The following SPATC1 variants were observed in gnomAD, a reference collection of about 807,000 sequenced individuals.
SPATC1 encodes speriolin.
In SPATC1, 35 loss-of-function variants were observed where a neutral mutation model predicts 36.5. The observed-to-expected ratio is 0.96, with a 90% CI of 0.73 to 1.27. SPATC1 has a LOEUF of 1.27. Ranked by LOEUF, SPATC1 falls within the 50% of genes most tolerant of loss-of-function variation. SPATC1 has a pLI of 0.00. For synonymous variants in SPATC1, 361 were observed against 353.6 expected, an observed-to-expected ratio of 1.02 and a Z score of -0.24; for missense variants, 779 against 796.0, an observed-to-expected ratio of 0.98 and a Z score of 0.26.
intron 1 of SPATC1, among the ~76,000 whole-genome samples, chr8:144,013,421 T>G (rs1834319300): frequency 6.6e-6 from 1 of 152,080 alleles, no homozygotes; most frequent in Admixed American, 6.6e-5. Flanking sequence ...CACTCCAAAC[T>G]AGACATGTTT....
At chr8:144,026,322 G>C (rs1012276685) in intron 1 of SPATC1, among the ~76,000 whole-genome samples, 1 of 152,114 alleles carries the variant, frequency 6.6e-6, no homozygotes, top group Non-Finnish European at 1.5e-5. Context: ...TCCAGTGTAT[G>C]GCTATATTAC....
At chr8:144,037,337 ACGGGC>A (rs1834928334) in intron 1 of SPATC1, among the ~76,000 whole-genome samples, 1 of 151,696 alleles carries the variant, frequency 6.6e-6, no homozygotes, top group African/African-American at 2.4e-5. Context: ...CTCATTGAGA[ACGGGC>A]CATGATGACA....
chr8:144,024,412 C>A (rs1441540551), intron 1 of SPATC1, among the ~76,000 whole-genome samples: 1 of 147,870 alleles, frequency 6.8e-6, no homozygotes, highest in Non-Finnish European at 1.5e-5. Context: ...GGACCCCCTT[C>A]CTTCAGGACC....
chr8:144,040,510 G>A (rs782717057), intron 2 of SPATC1, 47 bp downstream of exon 2: 3 of 1,561,790 alleles, frequency 1.9e-6, no homozygotes, highest in Non-Finnish European at 2.6e-6. Context: ...GGGGGGCAGA[G>A]CCCTCCCACC....
chr8:144,043,261 C>T (rs1835164615), intron 4 of SPATC1, among the ~76,000 whole-genome samples: 1 of 151,302 alleles, frequency 6.6e-6, no homozygotes, highest in Non-Finnish European at 1.5e-5. Flanking sequence ...TCCAAAAGTG[C>T]TGGGATTACA....
intron 1 of SPATC1, among the ~76,000 whole-genome samples, chr8:144,020,641 A>C (rs1371274641): frequency 1.1e-3 from 62 of 55,342 alleles, no homozygotes; most frequent in African/African-American, 1.8e-3. Flanking sequence ...CCCTGAGTAT[A>C]CTCTCCCTTC....
Position 144,016,487 on chromosome 8 carries a change from CAG to C in SPATC1, c.211+3762_211+3763del, listed in dbSNP as rs1181525732. Among the ~76,000 whole-genome samples the C allele has an allele frequency of 6.6e-6, 1 of 151,880 alleles. No individual in the cohort carries two copies. The highest frequency in any genetic ancestry group is 1.5e-5 in the Non-Finnish European group (1 of 67,956). On this transcript the variant is annotated intron_variant, in intron 1 of 4. Transcript: ENST00000377470. This position sits in a 1 kb window ranked among gnomAD's most constrained non-coding sequence, Gnocchi z 4.5. ...GTGTGTGTGGTGTGTTCATGTGTGA[CAG>C]GGGCCAGGGAGAGGTGAAAAATGCA...
chr8:144,014,368 GA>G (rs1834340409), intron 1 of SPATC1, among the ~76,000 whole-genome samples: 1 of 145,070 alleles, frequency 6.9e-6, no homozygotes, highest in Non-Finnish European at 1.5e-5. Context: ...AGGAAGGAAG[GA>G]AAAGAGAGGA....
Position 144,040,696 on chromosome 8 carries a change from T to A in SPATC1, c.895T>A (p.Phe299Ile). Reference protein sequence around the residue: ...AMGTPAPKTAFSFNTSDTQAQ... With the variant: ...AMGTPAPKTAISFNTSDTQAQ... ...GGGCACACCTGCTCCCAAGACGGCC[T>A]TCTCCTTCAACACTTCGGACACACA... is the stretch of plus-strand genomic sequence containing the variant. The change falls in exon 3 of 5, where the codon TTC (phenylalanine) becomes ATC (isoleucine). Residue 299 changes from phenylalanine (F) to isoleucine (I), a missense_variant. By Grantham distance (21) the Phe-to-Ile change is conservative. Transcript: ENST00000377470. 1 of 1,612,748 alleles carries A rather than the reference T, an allele frequency of 6.2e-7. No individual in the cohort carries two copies. Among genetic ancestry groups the A allele is most frequent in the Non-Finnish European group, 8.5e-7 (1 of 1,179,786 alleles).
At chr8:144,020,379 C>T (rs1834484301) in intron 1 of SPATC1, among the ~76,000 whole-genome samples, 1 of 150,644 alleles carries the variant, frequency 6.6e-6, no homozygotes, top group Non-Finnish European at 1.5e-5. Flanking sequence ...TACCTTCCCT[C>T]AGGACCCTCT....
rs140635744 is a variant in SPATC1, at chr8:144,040,738, G to C, written c.937G>C (p.Ala313Pro). ...GGACACACAGGCCCAGCCCAGTGCC[G>C]CCCAGGAACAAGTGGTCCCTGCATC... The part of the protein sequence containing the change: ...TSDTQAQPSA[A>P]QEQVVPASVP... The change falls in exon 3 of 5, where the codon GCC becomes CCC. Residue 313 changes from alanine (A) to proline (P), a missense_variant. By Grantham distance (27) the Ala-to-Pro change is conservative. Coordinates refer to ENST00000377470, the MANE Select transcript of SPATC1 (RefSeq NM_198572.3). The C allele has an allele frequency of 1.2e-6, 2 of 1,612,440 alleles. No individual in the cohort carries two copies. Among genetic ancestry groups the C allele is most frequent in the Middle Eastern group, 1.7e-4 (1 of 6,060 alleles).
chr8:144,019,528 G>C (rs986438075), intron 1 of SPATC1, among the ~76,000 whole-genome samples: 1 of 152,182 alleles, frequency 6.6e-6, no homozygotes, highest in Non-Finnish European at 1.5e-5. Context: ...CCCCGTGCAC[G>C]GGCAGGTGGG....
In SPATC1 at chr8:144,045,296, G is replaced by A. The variant is rs548979930; in HGVS notation, c.1447-1331G>A. Reference sequence around the variant, plus strand: ...AACCTCCAGCTGGGGAGAGACAGGCGCATCCCAGGCACGTCCCAGGCAACA... The same window carrying A: ...AACCTCCAGCTGGGGAGAGACAGGCACATCCCAGGCACGTCCCAGGCAACA... On this transcript the variant is annotated intron_variant, in intron 4 of 4. Coordinates refer to ENST00000377470, the MANE Select transcript of SPATC1 (RefSeq NM_198572.3). This position sits in a 1 kb window ranked among gnomAD's most constrained non-coding sequence, Gnocchi z 5.2. Among the ~76,000 whole-genome samples, 155 of 152,346 alleles carry A rather than the reference G, an allele frequency of 1.0e-3. No homozygotes were observed. Among genetic ancestry groups the A allele is most frequent in the Non-Finnish European group, 1.7e-3 (117 of 68,040 alleles).
rs956780551 is a variant in SPATC1, at chr8:144,012,594, T to G, written c.79T>G (p.Leu27Val). 2 of 1,551,654 alleles carry G rather than the reference T, an allele frequency of 1.3e-6. No individual in the cohort carries two copies. The highest frequency in any genetic ancestry group is 4.9e-5 in the East Asian group (2 of 40,904). The change falls in exon 1 of 5, where the codon TTG (leucine) becomes GTG (valine). Residue 27 changes from leucine to valine, a missense_variant. By Grantham distance (32) the Leu-to-Val change is conservative (BLOSUM62 1). Coordinates refer to ENST00000377470, the MANE Select transcript of SPATC1 (RefSeq NM_198572.3). ...GCGGGAAAATGAGGAACTGAAGAAG[T>G]TGGTGCGGCTCATTCGGGAGAATCA... ...LVRENEELKK[L>V]VRLIRENHEL... is the part of the protein sequence containing the mutation.
intron 4 of SPATC1, among the ~76,000 whole-genome samples, chr8:144,044,397 G>T (rs1835200983): frequency 6.6e-6 from 1 of 151,292 alleles, no homozygotes; most frequent in Admixed American, 6.6e-5. Flanking sequence ...CACGCCACGG[G>T]TTCACGCCAT....
chr8:144,012,728 T>C lies in SPATC1; in HGVS notation c.211+2T>C. 6.4e-7 allele frequency: 1 copy of C among 1,551,456 alleles called. No individual in the cohort carries two copies. Among genetic ancestry groups the C allele is most frequent in the East Asian group, 2.4e-5 (1 of 40,904 alleles). On this transcript the variant is annotated splice_donor_variant, in intron 1 of 4. Transcript: ENST00000377470. LOFTEE classifies it high-confidence loss of function. ...GCCTTTCCTCACGCCAGAACAATGGTAAGAGGCCTCGCTCCCAAGAGAGTG... is the reference window on the plus strand; with the variant it reads ...GCCTTTCCTCACGCCAGAACAATGGCAAGAGGCCTCGCTCCCAAGAGAGTG...
intron 1 of SPATC1, among the ~76,000 whole-genome samples, chr8:144,029,143 C>T (rs1307465139): frequency 7.2e-6 from 1 of 138,382 alleles, no homozygotes; most frequent in Non-Finnish European, 1.5e-5. Context: ...CAGCAAACCA[C>T]TGTGGCACAC....
intron 1 of SPATC1, among the ~76,000 whole-genome samples, chr8:144,026,066 TC>T (rs1834670702): frequency 6.6e-6 from 1 of 151,820 alleles, no homozygotes; most frequent in African/African-American, 2.4e-5. Context: ...AGAAACCTCA[TC>T]CCCTTTAGCT....
intron 1 of SPATC1, among the ~76,000 whole-genome samples, chr8:144,030,137 A>G: frequency 6.6e-6 from 1 of 152,192 alleles, no homozygotes; most frequent in East Asian, 1.9e-4. Flanking sequence ...TACTATTTGC[A>G]TGGAATATCT....
Sources: gnomAD v4.1 joint callset for allele counts (sites outside exome capture counted in the v4.1 genomes callset) on GRCh38, gnomAD v4.1.1 for gene constraint, Gnocchi (gnomAD v3.1) non-coding constraint, MANE v1.5 for transcripts, NCBI Gene and HGNC (gene_info 2026-07-23, HGNC 2026-07-21) for gene names.